The following ZNF618 variants were observed in gnomAD, a reference collection of about 807,000 sequenced individuals.
ZNF618 encodes the protein neural precursor cell expressed, developmentally down-regulated 10.
Under a neutral mutation model 103.0 loss-of-function variants are expected in ZNF618, and 34 were observed. That is an observed-to-expected ratio of 0.33 (90% CI 0.25 to 0.44). ZNF618 has a LOEUF of 0.44. Ranked by LOEUF, ZNF618 falls within the 20% of genes least tolerant of loss-of-function variation. The pLI, the probability that ZNF618 is intolerant of heterozygous loss-of-function variation, is 1.00. For synonymous variants in ZNF618, 551 were observed against 542.2 expected (o/e 1.02, Z -0.23); for missense variants, 1,059 against 1,295.4 (o/e 0.82, Z 2.80).
At chr9:114,010,822 T>A (rs1410913314) in intron 9 of ZNF618, among the ~76,000 whole-genome samples, 1 of 152,220 alleles carries the variant, frequency 6.6e-6, no homozygotes, top group African/African-American at 2.4e-5. Context: ...GATCTGGCAG[T>A]GGTCCCAGTG....
At chr9:113,960,998 C>T (rs77999186) in intron 1 of ZNF618, among the ~76,000 whole-genome samples, 2,660 of 152,298 alleles carry the variant, frequency 0.017, 29 homozygotes, top group Non-Finnish European at 0.027. Flanking sequence ...GCCTTGGTTT[C>T]CCAGCTGGGC....
At chr9:114,044,600 G>A (rs1458398479) in intron 13 of ZNF618, among the ~76,000 whole-genome samples, 1 of 152,024 alleles carries the variant, frequency 6.6e-6, no homozygotes, top group Admixed American at 6.6e-5. Context: ...GTTTTGATGG[G>A]AATCGCATTG....
intron 1 of ZNF618, among the ~76,000 whole-genome samples, chr9:113,898,952 T>C (rs1256290823): frequency 6.6e-6 from 1 of 152,162 alleles, no homozygotes; most frequent in Non-Finnish European, 1.5e-5. Context: ...TGGCATTCCC[T>C]GTAGGTCCTG....
At chr9:114,005,252 A>G (rs1193585036) in intron 6 of ZNF618, among the ~76,000 whole-genome samples, 1 of 152,212 alleles carries the variant, frequency 6.6e-6, no homozygotes, top group Non-Finnish European at 1.5e-5. Context: ...AGTGGCATCT[A>G]AGAGACACCG....
At position 113,969,135 on chromosome 9, in the gene ZNF618, G is replaced by C. The variant is rs779149229; in HGVS notation, c.52G>C (p.Ala18Pro). ...AAPQADGASA[A>P]GRKSTASRER... ...TTTGCAGGCTGACGGAGCCAGTGCAGCCGGAAGGAAAAGCACTGCGAGCAG... is the reference window on the plus strand; with the variant it reads ...TTTGCAGGCTGACGGAGCCAGTGCACCCGGAAGGAAAAGCACTGCGAGCAG... The change falls in exon 2 of 15, where the codon GCC becomes CCC. Residue 18 changes from alanine (A) to proline (P), a missense_variant. Physicochemically the swap from Ala to Pro is conservative, Grantham distance 27. Around this residue, in one of 6 missense-constraint regions of ZNF618, gnomAD observed 194 missense variants for 209.0 expected, o/e 0.93. Coordinates refer to ENST00000374126, the MANE Select transcript of ZNF618 (RefSeq NM_001318042.2). 2.5e-6 allele frequency: 4 copies of C among 1,613,990 alleles called. No homozygotes were observed. The highest frequency in any genetic ancestry group is 2.2e-5 in the East Asian group (1 of 44,880).
At chr9:113,991,930 C>T (rs900746967) in intron 3 of ZNF618, among the ~76,000 whole-genome samples, 1 of 152,212 alleles carries the variant, frequency 6.6e-6, no homozygotes, top group Non-Finnish European at 1.5e-5. Flanking sequence ...CCTGCTGTCA[C>T]GGCAGCTCAT....
In ZNF618 at chr9:113,989,748, C is replaced by A. The variant is rs574169375; in HGVS notation, c.337+1168C>A. On this transcript the variant is annotated intron_variant, in intron 3 of 14. Coordinates refer to ENST00000374126, the MANE Select transcript of ZNF618 (RefSeq NM_001318042.2). Reference sequence around the variant, plus strand: ...GCAAGTTTAGACTCAAGTCCTGGTGCCTTTTCTTCCCAGTTGTTGAGAATC... The same window carrying A: ...GCAAGTTTAGACTCAAGTCCTGGTGACTTTTCTTCCCAGTTGTTGAGAATC... Among the ~76,000 whole-genome samples, 47 of 152,322 alleles carry A rather than the reference C, an allele frequency of 3.1e-4. No homozygotes were observed. In the South Asian group the frequency reaches 5.2e-3, roughly 17 times the overall value.
chr9:113,898,265 A>G (rs918720109), intron 1 of ZNF618, among the ~76,000 whole-genome samples: 20 of 151,858 alleles, frequency 1.3e-4, no homozygotes, highest in Non-Finnish European at 2.1e-4. Flanking sequence ...TCTTCTCTCA[A>G]TCTTGAGCAT....
intron 1 of ZNF618, among the ~76,000 whole-genome samples, chr9:113,907,226 C>T (rs966894728): frequency 1.3e-5 from 2 of 152,230 alleles, no homozygotes; most frequent in African/African-American, 2.4e-5. Context: ...ATTGACACCA[C>T]TTAGGTTGTG....
At chr9:114,026,290 G>A (rs1024206267) in intron 10 of ZNF618, among the ~76,000 whole-genome samples, 5 of 152,130 alleles carry the variant, frequency 3.3e-5, no homozygotes, top group Non-Finnish European at 7.4e-5. Context: ...AGAGGGGAGC[G>A]GTCCCAAGCG....
intron 11 of ZNF618, among the ~76,000 whole-genome samples, chr9:114,031,815 C>G (rs1297718171): frequency 6.6e-6 from 1 of 151,788 alleles, no homozygotes; most frequent in Non-Finnish European, 1.5e-5. Flanking sequence ...GTCTTTATCT[C>G]TGGGATCGTC....
intron 1 of ZNF618, among the ~76,000 whole-genome samples, chr9:113,914,763 T>A (rs999726423): frequency 3.3e-5 from 5 of 151,968 alleles, no homozygotes; most frequent in Non-Finnish European, 7.4e-5. Flanking sequence ...TAAACAGAGG[T>A]TGAACCAGAG....
chr9:113,990,056 A>G (rs2133339725), intron 3 of ZNF618, among the ~76,000 whole-genome samples: 1 of 152,232 alleles, frequency 6.6e-6, no homozygotes, highest in South Asian at 2.1e-4. Context: ...CAGACCTTTC[A>G]TTCCAGTGTA....
rs1333129332 is a variant in ZNF618, at chr9:114,055,696, CTCAAG to C, written c.*5533_*5537del. 1 of 142,302 alleles carries C rather than the reference CTCAAG, an allele frequency of 7.0e-6. No individual in the cohort carries two copies. Among genetic ancestry groups the C allele is most frequent in the Non-Finnish European group, 1.5e-5 (1 of 65,472 alleles). The allele number at this position is 142,302 out of a possible 1,614,324, so 8.8% of individuals were successfully genotyped here. On this transcript the variant is annotated 3_prime_UTR_variant, in exon 15 of 15. Coordinates refer to ENST00000374126, the MANE Select transcript of ZNF618 (RefSeq NM_001318042.2). ...TGTCTCTCTCTTTGAGTGCAAGAAACTCAAGTCATCTTAAAAAAAAAAAAATACAA... is the reference window on the plus strand; with the variant it reads ...TGTCTCTCTCTTTGAGTGCAAGAAACTCATCTTAAAAAAAAAAAAATACAA...
intron 1 of ZNF618, among the ~76,000 whole-genome samples, chr9:113,934,846 T>C (rs535892189): frequency 2.0e-5 from 3 of 152,272 alleles, no homozygotes; most frequent in Admixed American, 6.5e-5. Context: ...GGCCCGAGCA[T>C]GGAGAGGCTG....
At chr9:113,992,301 A>G (rs1407579183) in intron 3 of ZNF618, among the ~76,000 whole-genome samples, 4 of 152,174 alleles carry the variant, frequency 2.6e-5, no homozygotes, top group Non-Finnish European at 5.9e-5. Context: ...GCCTGAGGAA[A>G]GGATGAGAGT....
intron 1 of ZNF618, among the ~76,000 whole-genome samples, chr9:113,963,671 T>C (rs1228132655): frequency 6.6e-6 from 1 of 152,224 alleles, no homozygotes; most frequent in Non-Finnish European, 1.5e-5. Flanking sequence ...AATTGATATA[T>C]TTCATTCAAG....
rs116926618 is a variant in ZNF618, at chr9:113,960,734, G to T, written c.34-8383G>T. Among the ~76,000 whole-genome samples, 171 of 152,360 alleles carry T rather than the reference G, an allele frequency of 1.1e-3. 2 individuals carry two copies. Among genetic ancestry groups the T allele is most frequent in the East Asian group, 6.9e-3 (36 of 5,190 alleles). On this transcript the variant is annotated intron_variant, in intron 1 of 14. Coordinates refer to ENST00000374126, the MANE Select transcript of ZNF618 (RefSeq NM_001318042.2). ...CCTGCGGAGAAGATGCCTAGACCTG[G>T]TTTGGGGACGGTCTTCACATTTCTG... is the stretch of plus-strand genomic sequence containing the variant.
chr9:113,910,755 T>C (rs1330085453), intron 1 of ZNF618, among the ~76,000 whole-genome samples: 2 of 152,134 alleles, frequency 1.3e-5, no homozygotes, highest in Non-Finnish European at 2.9e-5. Flanking sequence ...CCGTCCCAGC[T>C]GACAAGAGGC....
Sources: gnomAD v4.1 joint callset for allele counts (sites outside exome capture counted in the v4.1 genomes callset) on GRCh38, gnomAD v4.1.1 for gene constraint, gnomAD v4.1.1 regional missense constraint, MANE v1.5 for transcripts, NCBI Gene and HGNC (gene_info 2026-07-23, HGNC 2026-07-21) for gene names.